The following ATP11B variants were observed in gnomAD, a reference collection of about 807,000 sequenced individuals.
ATP11B encodes the protein phospholipid-transporting ATPase IF.
Under a neutral mutation model 157.8 loss-of-function variants are expected in ATP11B, and 81 were observed. The ratio of observed to expected loss-of-function variants is 0.51; its 90% confidence interval spans 0.43 to 0.62. The LOEUF (loss-of-function observed/expected upper bound fraction) is 0.62. Among genes scored for constraint, ATP11B ranks in the 20% least tolerant of loss-of-function variants. The probability of loss-of-function intolerance (pLI) is 0.00; values close to 1 mark genes in which losing one functional copy is unlikely to be tolerated. For missense variants in ATP11B, 1,165 were observed against 1,402.2 expected, an observed-to-expected ratio of 0.83 and a Z score of 2.70; for synonymous variants, 451 against 469.4, an observed-to-expected ratio of 0.96 and a Z score of 0.51.
intron 28 of ATP11B, among the ~76,000 whole-genome samples, chr3:182,904,912 AGG>A (rs1312281026): frequency 3.5e-5 from 4 of 112,790 alleles, no homozygotes; most frequent in African/African-American, 1.6e-4. Flanking sequence ...AAAAAAAAAA[AGG>A]ATTAATTCAA....
rs1380445417 is a variant in ATP11B at position 182,885,971 on chromosome 3, C to T, written c.2676C>T (p.Pro892=). ...TTCAGAATGTGTGCTTTATCACACCCCAGTTTTTATATCAGTTCTACTGTT... is the reference window on the plus strand; with the variant it reads ...TTCAGAATGTGTGCTTTATCACACCTCAGTTTTTATATCAGTTCTACTGTT... The part of the protein sequence containing the change: ...FFYKNVCFIT[P]QFLYQFYCLF... The change falls in exon 23 of 30, where the codon CCC becomes CCT. Residue 892 remains proline, a synonymous_variant. Transcript: ENST00000323116. 23 of 1,499,182 alleles carry T rather than the reference C, an allele frequency of 1.5e-5. No homozygotes were observed. Among genetic ancestry groups the T allele is most frequent in the Non-Finnish European group, 1.9e-5 (22 of 1,134,120 alleles). The allele number at this position is 1,499,182 out of a possible 1,614,324, so 92.9% of individuals were successfully genotyped here.
chr3:182,806,336 T>C (rs1716328478), intron 1 of ATP11B, among the ~76,000 whole-genome samples: 1 of 152,238 alleles, frequency 6.6e-6, no homozygotes, highest in Non-Finnish European at 1.5e-5. Context: ...GTATCCATCA[T>C]GTTTTTTCAT....
chr3:182,846,640 A>C (rs969290044), intron 9 of ATP11B, among the ~76,000 whole-genome samples: 4 of 152,242 alleles, frequency 2.6e-5, no homozygotes, highest in Admixed American at 2.0e-4. Flanking sequence ...TTATTCAGCT[A>C]TAAAAAGGAA....
At chr3:182,820,606 G>T (rs1389603727) in intron 2 of ATP11B, among the ~76,000 whole-genome samples, 1 of 151,966 alleles carries the variant, frequency 6.6e-6, no homozygotes, top group Non-Finnish European at 1.5e-5. Context: ...GAAGTCGAGG[G>T]TGCAGTGAGC....
intron 17 of ATP11B, among the ~76,000 whole-genome samples, chr3:182,870,127 A>G (rs957466305): frequency 6.6e-6 from 1 of 152,240 alleles, no homozygotes; most frequent in Non-Finnish European, 1.5e-5. Context: ...CGTGGGAGCA[A>G]TGAGATATTG....
chr3:182,917,196 C>A, intron 29 of ATP11B: 1 of 985,206 alleles, frequency 1.0e-6, no homozygotes, highest in South Asian at 4.7e-5. Flanking sequence ...AAGGTGGGAA[C>A]CCTGGAAAAA....
chr3:182,876,083 A>G (rs1190442493), intron 19 of ATP11B, among the ~76,000 whole-genome samples: 4 of 152,100 alleles, frequency 2.6e-5, no homozygotes, highest in African/African-American at 9.7e-5. Context: ...TCCCCACAAG[A>G]AATTTAAAAA....
intron 1 of ATP11B, among the ~76,000 whole-genome samples, chr3:182,810,304 C>T (rs986377862): frequency 6.6e-6 from 1 of 151,996 alleles, no homozygotes; most frequent in Non-Finnish European, 1.5e-5. Context: ...TGCACCTCAG[C>T]CTGAGCGATG....
intron 28 of ATP11B, among the ~76,000 whole-genome samples, chr3:182,902,302 C>A (rs540644481): frequency 2.6e-5 from 4 of 152,244 alleles, no homozygotes; most frequent in Admixed American, 2.0e-4. Context: ...AGAATAAATT[C>A]TTTTGATGGC....
At chr3:182,852,119 A>G (rs995922969) in intron 10 of ATP11B, among the ~76,000 whole-genome samples, 2 of 152,236 alleles carry the variant, frequency 1.3e-5, no homozygotes, top group African/African-American at 2.4e-5. Context: ...AAAAATCAAT[A>G]ACAAAATCTG....
intron 1 of ATP11B, among the ~76,000 whole-genome samples, chr3:182,815,826 T>C (rs1195674300): frequency 6.6e-6 from 1 of 152,228 alleles, no homozygotes; most frequent in Non-Finnish European, 1.5e-5. Flanking sequence ...CTTTTACTTG[T>C]AATGCTTATA....
chr3:182,799,296 T>C (rs1030489737), intron 1 of ATP11B, among the ~76,000 whole-genome samples: 3 of 151,196 alleles, frequency 2.0e-5, no homozygotes, highest in Non-Finnish European at 4.4e-5. Context: ...TTTTTTTTTT[T>C]TGGAGACAGT....
chr3:182,835,221 C>T (rs1263477641), intron 4 of ATP11B, among the ~76,000 whole-genome samples: 1 of 151,980 alleles, frequency 6.6e-6, no homozygotes, highest in Non-Finnish European at 1.5e-5. Context: ...TATGAGTGGA[C>T]CTGTGCAGTA....
intron 4 of ATP11B, among the ~76,000 whole-genome samples, chr3:182,834,854 A>G (rs1314006376): frequency 6.6e-6 from 1 of 152,172 alleles, no homozygotes; most frequent in Non-Finnish European, 1.5e-5. Context: ...CTCTCCCAAA[A>G]CTTAACTACT....
rs1258494393 is a variant in ATP11B at position 182,921,399 on chromosome 3, CATG to C, written c.*3298_*3300del. 1 of 152,082 alleles carries C rather than the reference CATG, an allele frequency of 6.6e-6. No homozygotes were observed. Among genetic ancestry groups the C allele is most frequent in the African/African-American group, 2.4e-5 (1 of 41,408 alleles). The allele number at this position is 152,082 out of a possible 1,614,324, so 9.4% of individuals were successfully genotyped here. ...TTCCTATAAAAAATAGATCATAACTCATGATATGTTTGTAATCATGGTAATTTA... is the reference window on the plus strand; with the variant it reads ...TTCCTATAAAAAATAGATCATAACTCATATGTTTGTAATCATGGTAATTTA... On this transcript the variant is annotated 3_prime_UTR_variant, in exon 30 of 30. Coordinates refer to ENST00000323116, the MANE Select transcript of ATP11B (RefSeq NM_014616.3).
At chr3:182,870,927 GA>G (rs756934976) in intron 17 of ATP11B, among the ~76,000 whole-genome samples, 312 of 102,558 alleles carry the variant, frequency 3.0e-3, no homozygotes, top group East Asian at 0.021. Flanking sequence ...GTCTCCGTCT[GA>G]AAAAAAAAAA....
chr3:182,847,623 G>C (rs1169556682), intron 9 of ATP11B, among the ~76,000 whole-genome samples: 1 of 152,106 alleles, frequency 6.6e-6, no homozygotes, highest in East Asian at 1.9e-4. Flanking sequence ...GGCATGAAAG[G>C]TTCTATATTG....
chr3:182,918,244 G>GCAAA lies in ATP11B; in HGVS notation c.*147_*150dup. 8.1e-7 allele frequency: 1 copy of GCAAA among 1,230,110 alleles called. No individual in the cohort carries two copies. The highest frequency in any genetic ancestry group is 2.2e-4 in the Middle Eastern group (1 of 4,602). The allele number at this position is 1,230,110 out of a possible 1,614,324, so 76.2% of individuals were successfully genotyped here. On this transcript the variant is annotated 3_prime_UTR_variant, in exon 30 of 30. Coordinates refer to ENST00000323116, the MANE Select transcript of ATP11B (RefSeq NM_014616.3). ...TTCATACCCACTCAGAGTTATAATG[G>GCAAA]CAAACAAACAGAAAGCATTAGTACA...
At chr3:182,900,000 A>G (rs1260816467) in intron 28 of ATP11B, among the ~76,000 whole-genome samples, 2 of 152,192 alleles carry the variant, frequency 1.3e-5, no homozygotes, top group African/African-American at 4.8e-5. Context: ...AACATGCCAA[A>G]TGAATTTTGG....
Sources: gnomAD v4.1 joint callset for allele counts (sites outside exome capture counted in the v4.1 genomes callset) on GRCh38, gnomAD v4.1.1 for gene constraint, MANE v1.5 for transcripts, NCBI Gene and HGNC (gene_info 2026-07-23, HGNC 2026-07-21) for gene names.